PHTF1: variants seen among roughly 807,000 people sequenced by gnomAD.
PHTF1 encodes the protein putative homeodomain transcription factor 1.
PHTF1 carries 88 observed loss-of-function variants against 102.4 expected under a neutral mutation model. The observed-to-expected ratio is 0.86, with a 90% CI of 0.72 to 1.03. PHTF1 has a LOEUF of 1.03. Ranked by LOEUF, PHTF1 falls within the 50% of genes least tolerant of loss-of-function variation. PHTF1 has a pLI of 0.00. For missense variants in PHTF1, 814 were observed against 909.5 expected, an observed-to-expected ratio of 0.89 and a Z score of 1.35; for synonymous variants, 289 against 305.2, an observed-to-expected ratio of 0.95 and a Z score of 0.55.
At chr1:113,721,596 T>C (rs1269902168) in intron 7 of PHTF1, among the ~76,000 whole-genome samples, 4 of 152,250 alleles carry the variant, frequency 2.6e-5, no homozygotes, top group African/African-American at 7.2e-5. Flanking sequence ...TAAGATCTTA[T>C]ATTTGGAAAA....
In PHTF1 at chr1:113,697,165, A is replaced by T. The variant is rs376470925; in HGVS notation, c.*540T>A. Reference sequence around the variant, plus strand: ...ACAGAAACTCACAGTTTAAAAGTTAATTTTCTTCCTTCAACAACAAAGAAA... The same window carrying T: ...ACAGAAACTCACAGTTTAAAAGTTATTTTTCTTCCTTCAACAACAAAGAAA... On this transcript the variant is annotated 3_prime_UTR_variant, in exon 19 of 19. Transcript: ENST00000369604. 2.1e-4 allele frequency: 32 copies of T among 152,532 alleles called. No homozygotes were observed. Among genetic ancestry groups the T allele is most frequent in the African/African-American group, 7.7e-4 (32 of 41,576 alleles). The allele number at this position is 152,532 out of a possible 1,614,324, so 9.4% of individuals were successfully genotyped here.
intron 7 of PHTF1, among the ~76,000 whole-genome samples, chr1:113,720,183 A>C (rs1652692106): frequency 6.6e-6 from 1 of 152,240 alleles, no homozygotes; most frequent in South Asian, 2.1e-4. Flanking sequence ...ATAGACTTTA[A>C]CTATAAAAAG....
At chr1:113,703,779 A>C (rs1016810415) in intron 15 of PHTF1, 1 of 296,396 alleles carries the variant, frequency 3.4e-6, no homozygotes, top group Non-Finnish European at 6.3e-6. Flanking sequence ...TTGGAGTGAT[A>C]ACTAATAAAT....
At chr1:113,737,577 C>T (rs773862682) in intron 5 of PHTF1, among the ~76,000 whole-genome samples, 10 of 152,244 alleles carry the variant, frequency 6.6e-5, no homozygotes, top group Non-Finnish European at 1.5e-4. Flanking sequence ...AATCCCAACA[C>T]TTTTGGGCCT....
rs1337428505 is a variant in PHTF1, at chr1:113,744,321, AT to A, written c.103-5523del. On this transcript the variant is annotated intron_variant, in intron 3 of 18. Transcript: ENST00000369604. ...AAAACACTGGAGGTATTGATGCAAT[AT>A]AATTGGACTTTGTATTAAACAAGGA... Among the ~76,000 whole-genome samples, 3 of 152,362 alleles carry A rather than the reference AT, an allele frequency of 2.0e-5. No homozygotes were observed. In the East Asian group the frequency reaches 5.8e-4, roughly 29 times the overall value.
chr1:113,754,253 A>C (rs1415133749), intron 3 of PHTF1, among the ~76,000 whole-genome samples: 7 of 152,246 alleles, frequency 4.6e-5, no homozygotes, highest in Admixed American at 4.6e-4. Flanking sequence ...TCTACAAAAA[A>C]TTTAAAAATT....
Position 113,757,771 on chromosome 1 carries a change from G to C in PHTF1, c.46-16C>G. 1 of 1,546,462 alleles carries C rather than the reference G, an allele frequency of 6.5e-7. No individual in the cohort carries two copies. Among genetic ancestry groups the C allele is most frequent in the Non-Finnish European group, 8.9e-7 (1 of 1,118,454 alleles). ...AGGCTCCAATCTGAAAGAGGGAGTA[G>C]TCTATTAGTTAAACGATGCAAAGGA... is the stretch of plus-strand genomic sequence containing the variant. On this transcript the variant is annotated splice_polypyrimidine_tract_variant and intron_variant, in intron 2 of 18. Coordinates refer to ENST00000369604, the MANE Select transcript of PHTF1 (RefSeq NM_001323043.2).
chr1:113,711,976 ATTC>A lies in PHTF1; in HGVS notation c.918_920del (p.Lys306del). 1 of 1,614,096 alleles carries A rather than the reference ATTC, an allele frequency of 6.2e-7. No individual in the cohort carries two copies. Among genetic ancestry groups the A allele is most frequent in the Non-Finnish European group, 8.5e-7 (1 of 1,179,954 alleles). ...GGTGCCTTGAAAGTATTGATTTTCT[ATTC>A]TTAACTTCACAACCATTGTCACTTG... On this transcript the variant is annotated inframe_deletion, in exon 9 of 19. Coordinates refer to ENST00000369604, the MANE Select transcript of PHTF1 (RefSeq NM_001323043.2).
intron 3 of PHTF1, 107 bp downstream of exon 3, chr1:113,757,592 A>T: frequency 1.3e-6 from 1 of 743,676 alleles, no homozygotes; most frequent in Non-Finnish European, 2.4e-6. Flanking sequence ...TTCAAAGATT[A>T]AAGAATGCCA....
At chr1:113,700,739 C>T (rs1649343706) in intron 16 of PHTF1, 55 bp downstream of exon 16, 1 of 1,504,970 alleles carries the variant, frequency 6.6e-7, no homozygotes, top group African/African-American at 1.4e-5. Flanking sequence ...AGGAACCTTA[C>T]AGCGTATTAC....
At chr1:113,758,595 T>C in intron 2 of PHTF1, 64 bp downstream of exon 2, 1 of 950,972 alleles carries the variant, frequency 1.1e-6, no homozygotes, top group Non-Finnish European at 1.6e-6. Context: ...AACATTATAT[T>C]ATTTGTGGGA....
At chr1:113,727,306 A>T (rs1279958018) in intron 5 of PHTF1, among the ~76,000 whole-genome samples, 1 of 152,212 alleles carries the variant, frequency 6.6e-6, no homozygotes, top group Non-Finnish European at 1.5e-5. Flanking sequence ...TTGACTTGAG[A>T]ATGTAAATAT....
At chr1:113,740,032 G>A (rs1160761396) in intron 3 of PHTF1, among the ~76,000 whole-genome samples, 1 of 152,126 alleles carries the variant, frequency 6.6e-6, no homozygotes, top group Admixed American at 6.5e-5. Flanking sequence ...GAACAGTGCT[G>A]CAATAAACAT....
Position 113,738,124 on chromosome 1 carries a change from A to C in PHTF1, c.317T>G (p.Leu106Arg). Residue 106 changes from leucine to arginine, a missense_variant, in exon 5 of 19, where the codon CTT becomes CGT. Physicochemically the swap from Leu to Arg is moderately radical, Grantham distance 102. Transcript: ENST00000369604. ...TCTCCAATTACCTTGCATGAAATAA[A>C]GTAGTAACAGCCAAACAAAGATTCT... ...SLRIFVWLLL[L>R]YFMQVIAIVL... The C allele has an allele frequency of 6.2e-7, 1 of 1,608,734 alleles. No individual in the cohort carries two copies. Among genetic ancestry groups the C allele is most frequent in the Non-Finnish European group, 8.5e-7 (1 of 1,176,480 alleles).
In PHTF1 at chr1:113,698,398, C is replaced by T. The variant is rs749793989; in HGVS notation, c.2143-11G>A. 2.5e-6 allele frequency: 4 copies of T among 1,609,308 alleles called. No homozygotes were observed. Among genetic ancestry groups the T allele is most frequent in the Admixed American group, 3.4e-5 (2 of 59,258 alleles). ...TGGTGTGTCCAGCTCCTACAAAAAA[C>T]ATCAAAGAATTGAAATGAGATACAT... is the stretch of plus-strand genomic sequence containing the variant. On this transcript the variant is annotated splice_polypyrimidine_tract_variant and intron_variant, in intron 17 of 18. Coordinates refer to ENST00000369604, the MANE Select transcript of PHTF1 (RefSeq NM_001323043.2).
At chr1:113,746,577 C>G (rs763238757) in intron 3 of PHTF1, among the ~76,000 whole-genome samples, 7 of 152,190 alleles carry the variant, frequency 4.6e-5, no homozygotes, top group Non-Finnish European at 1.0e-4. Context: ...GTCCATCTGA[C>G]TCTAAATTTC....
intron 8 of PHTF1, 36 bp downstream of exon 8, chr1:113,713,243 G>GA (rs767543382): frequency 6.3e-6 from 10 of 1,584,124 alleles, no homozygotes; most frequent in Non-Finnish European, 6.9e-6. Flanking sequence ...GTTACATGGG[G>GA]AAAAAAACCC....
intron 14 of PHTF1, 126 bp downstream of exon 14, chr1:113,704,540 A>C (rs1244056574): frequency 1.5e-6 from 1 of 651,946 alleles, no homozygotes; most frequent in Non-Finnish European, 2.6e-6. Context: ...CTGTCCAGCA[A>C]GTCTGTCAGC....
At chr1:113,717,296 G>A (rs1230644) in intron 7 of PHTF1, among the ~76,000 whole-genome samples, 1,851 of 152,076 alleles carry the variant, frequency 0.012, 47 homozygotes, top group African/African-American at 0.043. Flanking sequence ...GAGGAAGATA[G>A]GAAGGAAAGA....
Sources: gnomAD v4.1 joint callset for allele counts (sites outside exome capture counted in the v4.1 genomes callset) on GRCh38, gnomAD v4.1.1 for gene constraint, MANE v1.5 for transcripts, NCBI Gene and HGNC (gene_info 2026-07-23, HGNC 2026-07-21) for gene names.